The following STMN1 variants were observed in gnomAD, a reference collection of about 807,000 sequenced individuals.
STMN1 encodes stathmin.
STMN1 carries 3 observed loss-of-function variants against 19.7 expected under a neutral mutation model. That is an observed-to-expected ratio of 0.15 (90% CI 0.07 to 0.39). The LOEUF (loss-of-function observed/expected upper bound fraction) is 0.39. Among genes scored for constraint, STMN1 ranks in the 10% least tolerant of loss-of-function variants. The probability of loss-of-function intolerance (pLI) is 1.00; values close to 1 mark genes in which losing one functional copy is unlikely to be tolerated. For synonymous variants in STMN1, 59 were observed against 58.9 expected (o/e 1.00, Z -0.01); for missense variants, 99 against 176.0 (o/e 0.56, Z 2.48).
chr1:25,885,778 G>A (rs1235473524), exon 5 of STMN1: 1 of 1,551,760 alleles, frequency 6.4e-7, no homozygotes, highest in East Asian at 2.4e-5. Flanking sequence ...GAGGCCCAGG[G>A]CTGGGCAAAG....
chr1:25,906,602 G>A (rs1430898287), upstream of STMN1: 5 of 152,272 alleles, frequency 3.3e-5, no homozygotes, highest in African/African-American at 1.2e-4. The surrounding 1 kb of genome is among the most constrained non-coding windows in gnomAD (Gnocchi z 4.5). Flanking sequence ...CGGAGGGCAG[G>A]AGGACAATGC....
intron 4 of STMN1, among the ~76,000 whole-genome samples, chr1:25,890,767 G>C (rs957789326): frequency 3.9e-4 from 59 of 152,182 alleles, no homozygotes; most frequent in Non-Finnish European, 4.3e-4. Context: ...AGGAGATCCT[G>C]CTAGGCGAGC....
At position 25,885,770 on chromosome 1, in the gene STMN1, G is replaced by A. The variant is rs79085598; in HGVS notation, c.478C>T (p.Leu160Phe). The A allele has an allele frequency of 6.3e-3, 9,742 of 1,551,570 alleles. 380 individuals carry two copies. The African/African-American group carries it at 0.094, about 15-fold the overall frequency. Residue 160 changes from leucine to phenylalanine, a missense_variant, in exon 5 of 5, where the codon CTC becomes TTC. Physicochemically the swap from Leu to Phe is conservative, Grantham distance 22 (BLOSUM62 0). Coordinates refer to the STMN1 transcript ENST00000426559. The stretch of plus-strand genomic sequence containing the variant: ...GACCAGGTAATCAATGCAGATTGGA[G>A]GCCCAGGGCTGGGCAAAGGGCAGGA...
At chr1:25,892,380 CTTTTT>C (rs35541438) in intron 4 of STMN1, 27 of 173,672 alleles carry the variant, frequency 1.6e-4, no homozygotes, top group East Asian at 4.8e-4. Flanking sequence ...CAGAGCAAGA[CTTTTT>C]TTTTTTTTTT....
At chr1:25,904,583 A>G (rs1348430544) in intron 2 of STMN1, 81 bp downstream of exon 2, 34 of 1,328,940 alleles carry the variant, frequency 2.6e-5, no homozygotes, top group Non-Finnish European at 3.5e-5. Context: ...TAAGTGCCAA[A>G]TCAAAGGCGA....
intron 2 of STMN1, 42 bp downstream of exon 2, chr1:25,904,622 T>A: frequency 6.3e-7 from 1 of 1,582,722 alleles, no homozygotes; most frequent in Non-Finnish European, 8.7e-7. Flanking sequence ...TCTAAAATCA[T>A]AAGCCCATTA....
At chr1:25,903,911 A>C in intron 2 of STMN1, 98 bp from the exon 3 acceptor site, 8 of 1,270,224 alleles carry the variant, frequency 6.3e-6, no homozygotes, top group Non-Finnish European at 8.5e-6. Flanking sequence ...TTAATGTATT[A>C]AACTAGGGCT....
chr1:25,890,688 T>C (rs1381232496), intron 4 of STMN1, among the ~76,000 whole-genome samples: 1 of 152,304 alleles, frequency 6.6e-6, no homozygotes, highest in East Asian at 1.9e-4. Flanking sequence ...GCTGTTACAC[T>C]GCATACCTGT....
rs375288717 is a variant in STMN1 at position 25,900,493 on chromosome 1, T to A, written c.*523A>T. ...ATTTCTACCAGCCCCAAAGGCCCCATCTGGAACAAGTATCAACCAGGAGGG... is the reference window on the plus strand; with the variant it reads ...ATTTCTACCAGCCCCAAAGGCCCCAACTGGAACAAGTATCAACCAGGAGGG... On this transcript the variant is annotated 3_prime_UTR_variant, in exon 5 of 5. Transcript: ENST00000455785. 5.1e-6 allele frequency: 5 copies of A among 985,756 alleles called. No individual in the cohort carries two copies. In the Admixed American group the frequency reaches 1.8e-4, roughly 36 times the overall value. The allele number at this position is 985,756 out of a possible 1,614,324, so 61.1% of individuals were successfully genotyped here. A position where few individuals can be genotyped will look rare whatever the true frequency, so the allele number is the denominator to read the frequency against.
downstream of STMN1, among the ~76,000 whole-genome samples, chr1:25,899,034 T>C (rs761341776): frequency 7.2e-5 from 11 of 152,216 alleles, no homozygotes; most frequent in Non-Finnish European, 1.3e-4. Flanking sequence ...CCAGAGCTTC[T>C]ATTTCTGTGG....
intron 4 of STMN1, 80 bp from the exon 5 acceptor site, chr1:25,901,167 C>T: frequency 1.3e-6 from 2 of 1,565,516 alleles, no homozygotes; most frequent in Admixed American, 2.1e-5. Context: ...CCCCAGCCCC[C>T]ACCTCAAAGA....
At chr1:25,891,380 G>C (rs544221541) in intron 4 of STMN1, among the ~76,000 whole-genome samples, 18 of 151,636 alleles carry the variant, frequency 1.2e-4, no homozygotes, top group African/African-American at 4.4e-4. Flanking sequence ...CCTATACAAT[G>C]CACGGCAAAT....
chr1:25,901,117 C>CA (rs58316569), intron 4 of STMN1, 30 bp from the exon 5 acceptor site: 25,306 of 1,195,746 alleles, frequency 0.021, 76 homozygotes, highest in South Asian at 0.032. Flanking sequence ...TGTCATCAGT[C>CA]AAAAAAAAAA....
downstream of STMN1, among the ~76,000 whole-genome samples, chr1:25,896,400 G>A (rs1287894484): frequency 6.6e-6 from 1 of 152,108 alleles, no homozygotes; most frequent in Non-Finnish European, 1.5e-5. Context: ...GCCAGTGAGG[G>A]GAGCAGGAGG....
chr1:25,897,287 T>C (rs2048825342), downstream of STMN1, among the ~76,000 whole-genome samples: 2 of 140,838 alleles, frequency 1.4e-5, no homozygotes, highest in Admixed American at 7.6e-5. Flanking sequence ...CACTCCAGCC[T>C]GGGCAACAGA....
intron 4 of STMN1, among the ~76,000 whole-genome samples, chr1:25,894,080 G>A (rs1042708756): frequency 2.0e-5 from 3 of 152,214 alleles, no homozygotes; most frequent in Middle Eastern, 3.2e-3. Context: ...GGAGAGCACA[G>A]GTCTCCCTGT....
chr1:25,901,352 T>C, intron 4 of STMN1, 139 bp downstream of exon 4: 3 of 1,199,072 alleles, frequency 2.5e-6, no homozygotes, highest in Non-Finnish European at 3.5e-6. Context: ...TCTTAAAATA[T>C]ACCTTTCATT....
At chr1:25,899,116 T>C (rs1200578637), downstream of STMN1, among the ~76,000 whole-genome samples, 2 of 152,198 alleles carry the variant, frequency 1.3e-5, no homozygotes, top group African/African-American at 4.8e-5. Context: ...CGCCCTCTGA[T>C]AGGAAGTCAG....
chr1:25,902,594 AC>A (rs2048888476), intron 3 of STMN1: 1 of 152,256 alleles, frequency 6.6e-6, no homozygotes, highest in Non-Finnish European at 1.5e-5. Flanking sequence ...AGCATCTGAC[AC>A]TGGTTCTATT....
Sources: gnomAD v4.1 joint callset for allele counts (sites outside exome capture counted in the v4.1 genomes callset) on GRCh38, gnomAD v4.1.1 for gene constraint, Gnocchi (gnomAD v3.1) non-coding constraint, MANE v1.5 for transcripts, NCBI Gene and HGNC (gene_info 2026-07-23, HGNC 2026-07-21) for gene names.